Variants in WDR5 observed in about 807,000 individuals in gnomAD.
The protein encoded by WDR5 is WD repeat domain 5, also known as WD repeat-containing protein 5.
For synonymous variants in WDR5, 144 were observed against 161.6 expected (o/e 0.89, Z 0.83); for missense variants, 187 against 416.9 (o/e 0.45, Z 4.80).
Position 134,157,855 on chromosome 9 carries a change from A to AGG in WDR5, c.905-36_905-35dup. Reference sequence around the variant, plus strand: ...GGGATGGCGTCCCCGACCCAGGCGCAGGGATGGCTCTGGTTCTGACTGTGT... The same window carrying AGG: ...GGGATGGCGTCCCCGACCCAGGCGCAGGGGGATGGCTCTGGTTCTGACTGTGT... On this transcript the variant is annotated intron_variant, in intron 13 of 13. Coordinates refer to ENST00000358625, the MANE Select transcript of WDR5 (RefSeq NM_017588.3). The surrounding 1 kb of genome is among the most constrained non-coding windows in gnomAD (Gnocchi z 5.0). 1 of 1,602,480 alleles carries AGG rather than the reference A, an allele frequency of 6.2e-7. No individual in the cohort carries two copies. The highest frequency in any genetic ancestry group is 8.5e-7 in the Non-Finnish European group (1 of 1,169,702).
chr9:134,156,716 G>A (rs1832761077), intron 13 of WDR5, 123 bp downstream of exon 13: 1 of 907,828 alleles, frequency 1.1e-6, no homozygotes, highest in Admixed American at 2.3e-5. Context: ...CCCTCCGCTG[G>A]CCCCGCTGAG....
intron 4 of WDR5, 74 bp from the exon 5 acceptor site, chr9:134,141,874 GT>G: frequency 7.0e-7 from 1 of 1,423,674 alleles, no homozygotes; most frequent in Non-Finnish European, 9.9e-7. Flanking sequence ...CAATGGGGAT[GT>G]TTGGGATTTT....
At chr9:134,154,593 G>A (rs773645598) in intron 10 of WDR5, 52 bp downstream of exon 10, 33 of 1,590,386 alleles carry the variant, frequency 2.1e-5, no homozygotes, top group Non-Finnish European at 2.8e-5. Context: ...CCCAGCCAGA[G>A]ACACCTGCGT....
chr9:134,142,580 G>T, intron 6 of WDR5, 56 bp from the exon 7 acceptor site: 1 of 1,597,016 alleles, frequency 6.3e-7, no homozygotes, highest in South Asian at 1.1e-5. Context: ...TTAGGTTCTG[G>T]GGAGGTTTGT....
chr9:134,157,267 C>T lies in WDR5; in HGVS notation c.905-626C>T, dbSNP rs992260468. On this transcript the variant is annotated intron_variant, in intron 13 of 13. Transcript: ENST00000358625. The surrounding 1 kb of genome is among the most constrained non-coding windows in gnomAD (Gnocchi z 5.0). ...CGCTCCACGGCGGGCCTGGGCCTTC[C>T]CCTGGGTCCTCGCCGGCGTTCTGGG... is the stretch of plus-strand genomic sequence containing the variant. Among the ~76,000 whole-genome samples the T allele has an allele frequency of 2.0e-5, 3 of 152,222 alleles. No homozygotes were observed. The East Asian group carries it at 5.8e-4, about 29-fold the overall frequency.
chr9:134,149,398 C>G (rs1184154934), intron 8 of WDR5, among the ~76,000 whole-genome samples: 1 of 152,218 alleles, frequency 6.6e-6, no homozygotes, highest in Non-Finnish European at 1.5e-5. Flanking sequence ...TCCGGAGCCC[C>G]ACATTGGCCA....
At position 134,157,282 on chromosome 9, in the gene WDR5, G is replaced by T. The variant is rs1046984842; in HGVS notation, c.905-611G>T. On this transcript the variant is annotated intron_variant, in intron 13 of 13. Transcript: ENST00000358625. The surrounding 1 kb of genome is among the most constrained non-coding windows in gnomAD (Gnocchi z 5.0). The stretch of plus-strand genomic sequence containing the variant: ...CTGGGCCTTCCCCTGGGTCCTCGCC[G>T]GCGTTCTGGGGTTCTTTGGTTTACG... 6.6e-6 allele frequency among the ~76,000 whole-genome samples: 1 copy of T among 152,204 alleles called. No homozygotes were observed. Among genetic ancestry groups the T allele is most frequent in the Non-Finnish European group, 1.5e-5 (1 of 68,040 alleles).
At chr9:134,152,104 ACCAGCTCCTCCTC>A in intron 9 of WDR5, 75 bp downstream of exon 9, 1 of 1,529,544 alleles carries the variant, frequency 6.5e-7, no homozygotes, top group East Asian at 2.3e-5. Context: ...CCTGTTCTTC[ACCAGCTCCTCCTC>A]CCTCCTCTGC....
At chr9:134,143,098 T>C (rs911290017) in intron 7 of WDR5, among the ~76,000 whole-genome samples, 14 of 130,662 alleles carry the variant, frequency 1.1e-4, no homozygotes, top group Non-Finnish European at 1.9e-4. Flanking sequence ...ACAGGTGAAG[T>C]GTGAGTTTTG....
intron 7 of WDR5, among the ~76,000 whole-genome samples, chr9:134,143,587 T>C (rs1184944940): frequency 6.7e-6 from 1 of 149,364 alleles, no homozygotes. Context: ...AGTGCAGTGT[T>C]GCGATCTCGG....
rs1327378212 is a variant in WDR5 at position 134,158,971 on chromosome 9, C to T, written c.*978C>T. ...ATGGTAAGGCTCCCTGAGTCCCTTA[C>T]TCCAGGTCAGATGCCAGTGGGACTC... On this transcript the variant is annotated 3_prime_UTR_variant, in exon 14 of 14. Transcript: ENST00000358625. 1 of 152,268 alleles carries T rather than the reference C, an allele frequency of 6.6e-6. No homozygotes were observed. The highest frequency in any genetic ancestry group is 1.5e-5 in the Non-Finnish European group (1 of 68,080). The allele number at this position is 152,268 out of a possible 1,614,324, so 9.4% of individuals were successfully genotyped here.
At position 134,159,376 on chromosome 9, in the gene WDR5, G is replaced by A. The variant is rs1167384149; in HGVS notation, c.*1383G>A. On this transcript the variant is annotated 3_prime_UTR_variant, in exon 14 of 14. Transcript: ENST00000358625. The surrounding 1 kb of genome is among the most constrained non-coding windows in gnomAD (Gnocchi z 4.3). Reference sequence around the variant, plus strand: ...GGGTCTACAGAGGGCCCTGGCCCCGGAGCCCAGCCAGCTCTGCCTCTCTCA... The same window carrying A: ...GGGTCTACAGAGGGCCCTGGCCCCGAAGCCCAGCCAGCTCTGCCTCTCTCA... 1 of 152,424 alleles carries A rather than the reference G, an allele frequency of 6.6e-6. No individual in the cohort carries two copies. The highest frequency in any genetic ancestry group is 1.9e-4 in the East Asian group (1 of 5,202). The allele number at this position is 152,424 out of a possible 1,614,324, so 9.4% of individuals were successfully genotyped here.
chr9:134,154,951 T>G (rs1325318380), intron 10 of WDR5, among the ~76,000 whole-genome samples: 2 of 152,154 alleles, frequency 1.3e-5, no homozygotes, highest in African/African-American at 2.4e-5. Flanking sequence ...GCGTGCACCC[T>G]CAGCCCTGTG....
chr9:134,149,078 G>A (rs1832360761), intron 8 of WDR5, among the ~76,000 whole-genome samples: 1 of 152,198 alleles, frequency 6.6e-6, no homozygotes, highest in African/African-American at 2.4e-5. Flanking sequence ...AGGACTTCCT[G>A]CAGGGAACCC....
intron 10 of WDR5, 22 bp downstream of exon 10, chr9:134,154,563 G>C: frequency 6.2e-7 from 1 of 1,613,416 alleles, no homozygotes; most frequent in South Asian, 1.1e-5. Context: ...GTGGGACTGT[G>C]GGGGCGGGCA....
Position 134,140,915 on chromosome 9 carries a change from G to A in WDR5, c.190+104G>A, listed in dbSNP as rs914906450. On this transcript the variant is annotated intron_variant, in intron 3 of 13. Transcript: ENST00000358625. ...CTTCCTCACCTACCGCTGGGGAGAC[G>A]TAGCAGGCCGCTGGGGGGCACGTAG... 25 of 1,086,932 alleles carry A rather than the reference G, an allele frequency of 2.3e-5. No individual in the cohort carries two copies. The East Asian group carries it at 4.6e-4, about 20-fold the overall frequency. The allele number at this position is 1,086,932 out of a possible 1,614,324, so 67.3% of individuals were successfully genotyped here.
intron 12 of WDR5, 49 bp downstream of exon 12, chr9:134,155,816 C>T (rs1832719424): frequency 6.4e-7 from 1 of 1,564,180 alleles, no homozygotes; most frequent in African/African-American, 1.4e-5. Flanking sequence ...GCTTACTCTC[C>T]CGAGAGGTCA....
At chr9:134,147,926 G>A (rs1229933529) in intron 7 of WDR5, among the ~76,000 whole-genome samples, 2 of 152,046 alleles carry the variant, frequency 1.3e-5, no homozygotes, top group Admixed American at 6.5e-5. Context: ...AAGCCAAGGC[G>A]GGTGGATCAC....
At chr9:134,143,718 G>A (rs192448258) in intron 7 of WDR5, among the ~76,000 whole-genome samples, 31 of 151,862 alleles carry the variant, frequency 2.0e-4, no homozygotes, top group Non-Finnish European at 3.7e-4. Flanking sequence ...TAGTAGAGAC[G>A]GGGTTTCACC....
Sources: gnomAD v4.1 joint callset for allele counts (sites outside exome capture counted in the v4.1 genomes callset) on GRCh38, gnomAD v4.1.1 for gene constraint, Gnocchi (gnomAD v3.1) non-coding constraint, MANE v1.5 for transcripts, NCBI Gene and HGNC (gene_info 2026-07-23, HGNC 2026-07-21) for gene names.